The following CPNE4 variants were observed in gnomAD, a reference collection of about 807,000 sequenced individuals.
CPNE4 encodes the protein copine 4, also known as copine-4.
In CPNE4, 25 loss-of-function variants were observed where a neutral mutation model predicts 67.9. The observed-to-expected ratio is 0.37, with a 90% CI of 0.27 to 0.51. The LOEUF (loss-of-function observed/expected upper bound fraction) is 0.51. Among genes scored for constraint, CPNE4 ranks in the 20% least tolerant of loss-of-function variants. The pLI, the probability that CPNE4 is intolerant of heterozygous loss-of-function variation, is 0.93. For missense variants in CPNE4, 464 were observed against 690.8 expected, an observed-to-expected ratio of 0.67 and a Z score of 3.68; for synonymous variants, 242 against 244.9, an observed-to-expected ratio of 0.99 and a Z score of 0.11.
chr3:131,766,061 C>G (rs1302288610), intron 2 of CPNE4, among the ~76,000 whole-genome samples: 1 of 152,046 alleles, frequency 6.6e-6, no homozygotes, highest in African/African-American at 2.4e-5. Context: ...TGTTGGTGCT[C>G]AGAGCTAGAG....
chr3:131,777,775 G>T (rs1396304332), intron 2 of CPNE4, among the ~76,000 whole-genome samples: 2 of 152,116 alleles, frequency 1.3e-5, no homozygotes, highest in Non-Finnish European at 2.9e-5. Flanking sequence ...GAATGTAGGA[G>T]TGGTAAGGAT....
At chr3:131,859,979 C>T (rs570090836) in intron 2 of CPNE4, among the ~76,000 whole-genome samples, 24 of 152,262 alleles carry the variant, frequency 1.6e-4, no homozygotes, top group African/African-American at 5.5e-4. Context: ...TCATTCCACA[C>T]TATTTAAAGT....
At chr3:131,787,029 CCTCT>C (rs774670622) in intron 2 of CPNE4, among the ~76,000 whole-genome samples, 92 of 152,244 alleles carry the variant, frequency 6.0e-4, no homozygotes, top group Non-Finnish European at 9.4e-4. Context: ...TGAACTTCTG[CCTCT>C]CTATTTGTAT....
At chr3:131,881,490 C>T (rs1385914474) in intron 2 of CPNE4, among the ~76,000 whole-genome samples, 1 of 151,896 alleles carries the variant, frequency 6.6e-6, no homozygotes, top group East Asian at 1.9e-4. Flanking sequence ...GAGCAATAAA[C>T]CCAACTTGTT....
chr3:131,613,735 C>T (rs577137325), intron 7 of CPNE4, among the ~76,000 whole-genome samples: 37 of 152,254 alleles, frequency 2.4e-4, no homozygotes, highest in African/African-American at 7.5e-4. Context: ...AAAATTTGGA[C>T]ACCTCATCAC....
Position 131,763,318 on chromosome 3 carries a change from C to T in CPNE4, c.181-39693G>A, listed in dbSNP as rs1251594785. The stretch of plus-strand genomic sequence containing the variant: ...TGATGCAGCTGATCTGCAGTGTACC[C>T]TTCATGAGTGTGCATTATGATAAAC... On this transcript the variant is annotated intron_variant, in intron 2 of 15. Transcript: ENST00000429747. 2.6e-5 allele frequency among the ~76,000 whole-genome samples: 4 copies of T among 152,140 alleles called. No homozygotes were observed. The East Asian group carries it at 5.8e-4, about 22-fold the overall frequency.
At chr3:131,710,662 A>G (rs546710667) in intron 3 of CPNE4, among the ~76,000 whole-genome samples, 1 of 152,318 alleles carries the variant, frequency 6.6e-6, no homozygotes, top group African/African-American at 2.4e-5. Flanking sequence ...AGCCTAATTC[A>G]TAATTTATCA....
At chr3:131,792,440 G>A (rs549696582) in intron 2 of CPNE4, among the ~76,000 whole-genome samples, 2 of 151,336 alleles carry the variant, frequency 1.3e-5, no homozygotes, top group South Asian at 4.2e-4. Context: ...TGCTCTTGAA[G>A]AAATCTCAAC....
At chr3:131,710,816 GT>G (rs1277292536) in intron 3 of CPNE4, among the ~76,000 whole-genome samples, 1 of 152,142 alleles carries the variant, frequency 6.6e-6, no homozygotes, top group East Asian at 1.9e-4. Flanking sequence ...TTCTCATTAA[GT>G]TTATAAAACA....
rs143821856 is a variant in CPNE4, at chr3:131,692,482, T to C, written c.507+4060A>G. On this transcript the variant is annotated intron_variant, in intron 5 of 15. Coordinates refer to ENST00000429747, the MANE Select transcript of CPNE4 (RefSeq NM_130808.3). ...CATCACAGCAGGTAGAGATTTTACA[T>C]TGTTTTAGAGTAGGGGTCAGCAAAC... Among the ~76,000 whole-genome samples the C allele has an allele frequency of 6.3e-3, 954 of 152,282 alleles. 7 individuals carry two copies. Among genetic ancestry groups the C allele is most frequent in the Non-Finnish European group, 9.3e-3 (631 of 68,016 alleles).
intron 15 of CPNE4, among the ~76,000 whole-genome samples, chr3:131,541,364 G>A (rs1282836492): frequency 6.6e-6 from 1 of 152,134 alleles, no homozygotes; most frequent in Non-Finnish European, 1.5e-5. Flanking sequence ...ACCTGGGAAG[G>A]TGGGAAAATT....
intron 2 of CPNE4, among the ~76,000 whole-genome samples, chr3:131,886,754 T>A (rs1008752961): frequency 1.3e-5 from 2 of 152,244 alleles, no homozygotes; most frequent in African/African-American, 4.8e-5. Flanking sequence ...AAGATGTGAC[T>A]GCCCTGCTGG....
At chr3:131,808,414 T>A (rs2084402188) in intron 2 of CPNE4, among the ~76,000 whole-genome samples, 1 of 151,936 alleles carries the variant, frequency 6.6e-6, no homozygotes, top group Non-Finnish European at 1.5e-5. Flanking sequence ...CAAATGGAAA[T>A]CTTATAAATA....
chr3:131,800,877 G>C (rs1220996113), intron 2 of CPNE4, among the ~76,000 whole-genome samples: 1 of 152,160 alleles, frequency 6.6e-6, no homozygotes, highest in Non-Finnish European at 1.5e-5. Flanking sequence ...CACTAAGAAG[G>C]CTTCAGTGTG....
At chr3:131,951,308 T>C (rs9852336) in intron 1 of CPNE4, among the ~76,000 whole-genome samples, 37,367 of 152,008 alleles carry the variant, frequency 0.25, 4,981 homozygotes, top group Non-Finnish European at 0.3. Flanking sequence ...ACTGTTGACA[T>C]AGGGTTCACT....
At chr3:131,933,690 C>T in intron 1 of CPNE4, among the ~76,000 whole-genome samples, 1 of 151,598 alleles carries the variant, frequency 6.6e-6, no homozygotes, top group East Asian at 1.9e-4. Context: ...CAATGGGATA[C>T]TATTTATCTC....
intron 12 of CPNE4, among the ~76,000 whole-genome samples, chr3:131,554,390 CAT>C (rs1936350896): frequency 6.6e-6 from 1 of 152,010 alleles, no homozygotes. Context: ...TCAAATATAA[CAT>C]ATTTGTGGCC....
At chr3:131,686,243 C>T (rs1056740175) in intron 5 of CPNE4, among the ~76,000 whole-genome samples, 21 of 152,160 alleles carry the variant, frequency 1.4e-4, no homozygotes, top group African/African-American at 4.3e-4. Context: ...AAAGTCAGTA[C>T]TTGGTTAGTT....
chr3:131,894,575 AAAG>A (rs1379312110), intron 2 of CPNE4, among the ~76,000 whole-genome samples: 2 of 152,068 alleles, frequency 1.3e-5, no homozygotes, highest in African/African-American at 2.4e-5. Flanking sequence ...ACATTTCTCA[AAAG>A]AAGACATACA....
Sources: gnomAD v4.1 joint callset for allele counts (sites outside exome capture counted in the v4.1 genomes callset) on GRCh38, gnomAD v4.1.1 for gene constraint, MANE v1.5 for transcripts, NCBI Gene and HGNC (gene_info 2026-07-23, HGNC 2026-07-21) for gene names.